PCDHGA1: variants seen among roughly 807,000 people sequenced by gnomAD.
PCDHGA1 encodes protocadherin gamma subfamily A, 1.
Under a neutral mutation model 58.0 loss-of-function variants are expected in PCDHGA1, and 32 were observed. The ratio of observed to expected loss-of-function variants is 0.55; its 90% CI spans 0.42 to 0.74. The LOEUF (loss-of-function observed/expected upper bound fraction) is 0.74, where lower values mean the gene tolerates loss of function less well. Among genes scored for constraint, PCDHGA1 ranks in the 30% least tolerant of loss-of-function variants. The pLI, the probability that PCDHGA1 is intolerant of heterozygous loss-of-function variation, is 0.00. For missense variants in PCDHGA1, 1,205 were observed against 1,182.3 expected, an observed-to-expected ratio of 1.02 and a Z score of -0.28; for synonymous variants, 498 against 501.1, an observed-to-expected ratio of 0.99 and a Z score of 0.08.
intron 1 of PCDHGA1, among the ~76,000 whole-genome samples, chr5:141,475,035 G>T (rs983190948): frequency 2.0e-5 from 3 of 152,132 alleles, no homozygotes. Context: ...GTGACTAAAG[G>T]CTTTGTATTT....
rs111458813 is a variant in PCDHGA1 at position 141,483,648 on chromosome 5, TTG to T, written c.2422-11139_2422-11138del. Among the ~76,000 whole-genome samples, 82 of 149,502 alleles carry T rather than the reference TTG, an allele frequency of 5.5e-4. 1 individual carries two copies. The highest frequency in any genetic ancestry group is 2.5e-3 in the Admixed American group (37 of 14,990). Reference sequence around the variant, plus strand: ...GGAGAAGGTATAGAGGGGTGTGTGTTTGTGTGTGTGTGTGTGTGTGTAAAAGA... The same window carrying T: ...GGAGAAGGTATAGAGGGGTGTGTGTTTGTGTGTGTGTGTGTGTGTAAAAGA... On this transcript the variant is annotated intron_variant, in intron 1 of 3. Transcript: ENST00000517417.
intron 2 of PCDHGA1, among the ~76,000 whole-genome samples, chr5:141,503,824 C>G (rs1216231770): frequency 1.3e-5 from 2 of 152,058 alleles, no homozygotes; most frequent in South Asian, 4.1e-4. Context: ...TTGGGCAAAA[C>G]CAAAAGCAGG....
At chr5:141,409,423 T>C in intron 1 of PCDHGA1, 1 of 1,614,026 alleles carries the variant, frequency 6.2e-7, no homozygotes. Flanking sequence ...TGGTGACAGA[T>C]GGAGCCCTGG....
At chr5:141,505,275 AGGTCTTGGGCATGGGGTAG>A (rs1251192617) in intron 2 of PCDHGA1, 99 bp from the exon 3 acceptor site, 87 of 1,525,470 alleles carry the variant, frequency 5.7e-5, no homozygotes, top group Non-Finnish European at 2.0e-5. Context: ...TGAGAGAAAC[AGGTCTTGGGCATGGGGTAG>A]GGTTAGGGTA....
chr5:141,394,966 G>T (rs758463890), intron 1 of PCDHGA1: 3 of 1,613,886 alleles, frequency 1.9e-6, no homozygotes, highest in Middle Eastern at 1.6e-4. Flanking sequence ...AGGCTGAGGC[G>T]CTGGCACAAG....
chr5:141,432,421 C>T lies in PCDHGA1; in HGVS notation c.2422-62386C>T, dbSNP rs771647620. 10 of 1,614,126 alleles carry T rather than the reference C, an allele frequency of 6.2e-6. No homozygotes were observed. In the African/African-American group the frequency reaches 1.2e-4, roughly 19 times the overall value. ...TGTCGTTGAGCCTGTTCGTGCTGGA[C>T]CAGAACGACAATGCGCCCGAGATCC... On this transcript the variant is annotated intron_variant, in intron 1 of 3. Transcript: ENST00000517417. This position sits in a 1 kb window ranked among gnomAD's most constrained non-coding sequence, Gnocchi z 6.0.
intron 1 of PCDHGA1, chr5:141,390,294 TA>T: frequency 6.2e-7 from 1 of 1,613,956 alleles, no homozygotes; most frequent in South Asian, 1.1e-5. Flanking sequence ...GAGTTTCCTT[TA>T]AGTATAATTT....
intron 1 of PCDHGA1, chr5:141,364,783 G>T (rs1763536521): frequency 6.2e-7 from 1 of 1,614,030 alleles, no homozygotes; most frequent in East Asian, 2.2e-5. Context: ...CAGGGACACG[G>T]TTAGTGCTTC....
rs1561589443 is a variant in PCDHGA1, at chr5:141,381,835, T to TCTTCTTC, written c.2421+48730_2421+48731insCTTCTTC. Reference sequence around the variant, plus strand: ...TTCTTTCTTTCTTCTTCTTTTTTTTTTTTTTTTTTTTTTGGCAGAGTTTTG... The same window carrying TCTTCTTC: ...TTCTTTCTTTCTTCTTCTTTTTTTTTCTTCTTCTTTTTTTTTTTTTGGCAGAGTTTTG... On this transcript the variant is annotated intron_variant, in intron 1 of 3. Coordinates refer to ENST00000517417, the MANE Select transcript of PCDHGA1 (RefSeq NM_018912.3). 3.4e-3 allele frequency among the ~76,000 whole-genome samples: 481 copies of TCTTCTTC among 141,024 alleles called. 2 individuals carry two copies. Among genetic ancestry groups the TCTTCTTC allele is most frequent in the African/African-American group, 0.012 (438 of 36,478 alleles). The allele number at this position is 141,024 out of a possible 152,430, so 92.5% of individuals were successfully genotyped here. A position where few individuals can be genotyped will look rare whatever the true frequency, so the allele number is the denominator to read the frequency against.
chr5:141,495,449 G>T (rs1249221693), intron 2 of PCDHGA1, among the ~76,000 whole-genome samples: 1 of 152,194 alleles, frequency 6.6e-6, no homozygotes, highest in East Asian at 1.9e-4. Flanking sequence ...TACTTGTCCT[G>T]CTCTCTGTCT....
At chr5:141,375,147 C>A (rs768909291) in intron 1 of PCDHGA1, 1 of 1,613,946 alleles carries the variant, frequency 6.2e-7, no homozygotes, top group South Asian at 1.1e-5. Context: ...GGAAGCAGAA[C>A]AATTGCTGAA....
At chr5:141,360,889 A>C (rs1761788263) in intron 1 of PCDHGA1, 1 of 1,614,032 alleles carries the variant, frequency 6.2e-7, no homozygotes, top group Non-Finnish European at 8.5e-7. Context: ...GGTCACCCTG[A>C]GGGAGGACGT....
intron 1 of PCDHGA1, chr5:141,371,172 T>G: frequency 6.2e-7 from 1 of 1,614,016 alleles, no homozygotes; most frequent in Non-Finnish European, 8.5e-7. Flanking sequence ...CGCTGGCTCC[T>G]CCGTATTAAA....
rs375487349 is a variant in PCDHGA1 at position 141,383,260 on chromosome 5, G to A, written c.2421+50155G>A. The A allele has an allele frequency of 7.3e-5, 118 of 1,613,782 alleles. 1 individual carries two copies. In the East Asian group the frequency reaches 2.5e-3, roughly 35 times the overall value. On this transcript the variant is annotated intron_variant, in intron 1 of 3. Coordinates refer to ENST00000517417, the MANE Select transcript of PCDHGA1 (RefSeq NM_018912.3). The stretch of plus-strand genomic sequence containing the variant: ...TAAAATGAATCTTTACCCTATAGAC[G>A]TGGAAATAATAGATATTAATGACAA...
intron 1 of PCDHGA1, chr5:141,417,718 G>A: frequency 7.7e-7 from 1 of 1,304,720 alleles, no homozygotes; most frequent in Non-Finnish European, 1.0e-6. Flanking sequence ...GCTCCCGGCT[G>A]CGCAGACCTT....
chr5:141,487,135 A>G lies in PCDHGA1; in HGVS notation c.2422-7672A>G. 6.2e-7 allele frequency: 1 copy of G among 1,613,544 alleles called. No individual in the cohort carries two copies. The highest frequency in any genetic ancestry group is 8.5e-7 in the Non-Finnish European group (1 of 1,179,856). ...TGGTAAAGGATAGTGGTAGTCCACC[A>G]CTCTCTACCTCTGTTACTCTCTTAG... On this transcript the variant is annotated intron_variant, in intron 1 of 3. Transcript: ENST00000517417. The surrounding 1 kb of genome is among the most constrained non-coding windows in gnomAD (Gnocchi z 5.0).
chr5:141,409,007 C>T, intron 1 of PCDHGA1: 1 of 1,613,932 alleles, frequency 6.2e-7, no homozygotes, highest in Non-Finnish European at 8.5e-7. Context: ...AGCCACTGAC[C>T]AGGATGAGGG....
chr5:141,408,914 A>G lies in PCDHGA1; in HGVS notation c.2421+75809A>G, dbSNP rs776105035. ...AATTTCTGTCAAGGATACCAATGAT[A>G]ACCCCCCGGTTTTCAGCAGAGACGA... On this transcript the variant is annotated intron_variant, in intron 1 of 3. Coordinates refer to ENST00000517417, the MANE Select transcript of PCDHGA1 (RefSeq NM_018912.3). The G allele has an allele frequency of 1.2e-5, 20 of 1,613,446 alleles. No homozygotes were observed. The South Asian group carries it at 2.1e-4, about 17-fold the overall frequency.
Position 141,475,971 on chromosome 5 carries a change from C to G in PCDHGA1, c.2422-18836C>G, listed in dbSNP as rs750016455. On this transcript the variant is annotated intron_variant, in intron 1 of 3. Coordinates refer to ENST00000517417, the MANE Select transcript of PCDHGA1 (RefSeq NM_018912.3). The stretch of plus-strand genomic sequence containing the variant: ...TCTGCGCCCCGGGATGAGGCAGAGA[C>G]TGAACAGCCGGCGAGCAAATCAACG... 2.5e-5 allele frequency: 24 copies of G among 954,292 alleles called. No individual in the cohort carries two copies. In the African/African-American group the frequency reaches 3.4e-4, roughly 14 times the overall value. 59.1% of individuals were successfully genotyped at this position (954,292 alleles called of 1,614,324 possible). A position where few individuals can be genotyped will look rare whatever the true frequency, so the allele number is the denominator to read the frequency against.
Sources: allele counts gnomAD v4.1 joint callset (sites outside exome capture counted in the v4.1 genomes callset), GRCh38; gene constraint gnomAD v4.1.1; non-coding constraint Gnocchi (gnomAD v3.1); transcripts MANE v1.5; gene names NCBI Gene and HGNC (gene_info 2026-07-23, HGNC 2026-07-21).